MTMR14: variants seen among roughly 807,000 people sequenced by gnomAD.
The protein encoded by MTMR14 is myotubularin related protein 14, also known as phosphatidylinositol-3,5-bisphosphate 3-phosphatase MTMR14.
MTMR14 carries 48 observed loss-of-function variants against 86.3 expected under a neutral mutation model. The observed-to-expected ratio is 0.56, with a 90% CI of 0.44 to 0.71. The LOEUF is 0.71. Among genes scored for constraint, MTMR14 ranks in the 30% least tolerant of loss-of-function variants. The probability of loss-of-function intolerance (pLI) is 0.00; values close to 1 mark genes in which losing one functional copy is unlikely to be tolerated. For missense variants in MTMR14, 780 were observed against 834.6 expected (o/e 0.93, Z 0.81); for synonymous variants, 366 against 326.1 (o/e 1.12, Z -1.32).
In MTMR14 at chr3:9,674,496, A is replaced by G. The variant is rs1017260893; in HGVS notation, c.751+1738A>G. ...TGAAATATTGTATAGTCATAGAAGA[A>G]TCGAAAATGGGCTGGGCATGGTGGC... is the stretch of plus-strand genomic sequence containing the variant. On this transcript the variant is annotated intron_variant, in intron 7 of 18. Transcript: ENST00000296003. Among the ~76,000 whole-genome samples the G allele has an allele frequency of 2.6e-5, 4 of 152,322 alleles. No individual in the cohort carries two copies. In the East Asian group the frequency reaches 5.8e-4, roughly 22 times the overall value.
chr3:9,652,482 C>G (rs2047358802), intron 1 of MTMR14, among the ~76,000 whole-genome samples: 1 of 152,044 alleles, frequency 6.6e-6, no homozygotes, highest in African/African-American at 2.4e-5. Context: ...GGCCAGTACA[C>G]TGGCTCACGC....
At chr3:9,654,748 C>T (rs900146016) in intron 2 of MTMR14, among the ~76,000 whole-genome samples, 1 of 152,342 alleles carries the variant, frequency 6.6e-6, no homozygotes, top group South Asian at 2.1e-4. Flanking sequence ...GCAGGGCTAG[C>T]AGTGCATTCA....
rs571570954 is a variant in MTMR14 at position 9,685,173 on chromosome 3, G to A, written c.1128-38G>A. ...CTGTCCTCTTGGCCTTGTCATCTTG[G>A]TGCTGCTGACTTTGCCTCTCTACCC... On this transcript the variant is annotated intron_variant, in intron 12 of 18. Coordinates refer to ENST00000296003, the MANE Select transcript of MTMR14 (RefSeq NM_001077525.3). 4.3e-6 allele frequency: 7 copies of A among 1,614,108 alleles called. No individual in the cohort carries two copies. In the African/African-American group the frequency reaches 9.3e-5, roughly 22 times the overall value.
intron 18 of MTMR14, among the ~76,000 whole-genome samples, chr3:9,698,518 T>C (rs1298630928): frequency 6.6e-6 from 1 of 152,248 alleles, no homozygotes; most frequent in African/African-American, 2.4e-5. Flanking sequence ...GAGCAAGCCC[T>C]GCTCCTCAGC....
chr3:9,667,316 C>T (rs375755489), intron 3 of MTMR14, among the ~76,000 whole-genome samples: 2 of 152,312 alleles, frequency 1.3e-5, no homozygotes, highest in South Asian at 2.1e-4. Flanking sequence ...ATCCACTTTA[C>T]TCCTCACTGC....
chr3:9,701,752 G>C lies in MTMR14; in HGVS notation c.1770-38G>C. The stretch of plus-strand genomic sequence containing the variant: ...GATGAGGATACTGGGTCCTGTCCCA[G>C]GGTAATGTCTTTGTTCTTTCTCTTG... On this transcript the variant is annotated intron_variant, in intron 18 of 18. Coordinates refer to ENST00000296003, the MANE Select transcript of MTMR14 (RefSeq NM_001077525.3). The surrounding 1 kb of genome is among the most constrained non-coding windows in gnomAD (Gnocchi z 4.2). 1 of 1,610,800 alleles carries C rather than the reference G, an allele frequency of 6.2e-7. No homozygotes were observed. Among genetic ancestry groups the C allele is most frequent in the Non-Finnish European group, 8.5e-7 (1 of 1,179,174 alleles).
intron 3 of MTMR14, among the ~76,000 whole-genome samples, chr3:9,664,431 AAG>A (rs1471531047): frequency 6.6e-6 from 1 of 151,816 alleles, no homozygotes; most frequent in Admixed American, 6.6e-5. Flanking sequence ...CAGGTTGAGG[AAG>A]AGAGAGAGTT....
At chr3:9,678,761 C>T (rs371730199) in intron 9 of MTMR14, among the ~76,000 whole-genome samples, 3 of 152,310 alleles carry the variant, frequency 2.0e-5, no homozygotes, top group African/African-American at 7.2e-5. Flanking sequence ...AGTTGGATGC[C>T]TGCATCTATA....
At chr3:9,684,537 C>T in intron 10 of MTMR14, 48 bp from the exon 11 acceptor site, 3 of 1,586,110 alleles carry the variant, frequency 1.9e-6, no homozygotes, top group South Asian at 1.1e-5. Context: ...GCTCATCGGC[C>T]CATGTCTGGT....
rs772387395 is a variant in MTMR14 at position 9,653,661 on chromosome 3, G to A, written c.200G>A (p.Arg67Gln). The part of the protein sequence containing the change: ...IEKRCLELFG[R>Q]DYCFSVIPNT... ...AAGAGATGTCTGGAGCTGTTTGGCC[G>A]AGACTACTGTTTCAGCGTGATTCCA... The change falls in exon 2 of 19, where the codon CGA becomes CAA. Residue 67 changes from arginine to glutamine, a missense_variant. By Grantham distance (43) the Arg-to-Gln change is conservative. Coordinates refer to ENST00000296003, the MANE Select transcript of MTMR14 (RefSeq NM_001077525.3). 3.8e-5 allele frequency: 62 copies of A among 1,614,024 alleles called. No individual in the cohort carries two copies. Among genetic ancestry groups the A allele is most frequent in the Middle Eastern group, 1.6e-4 (1 of 6,082 alleles).
intron 2 of MTMR14, chr3:9,659,765 T>C (rs2047817941): frequency 2.2e-6 from 1 of 456,658 alleles, no homozygotes. Context: ...GAGCTTGATG[T>C]AGGGGAACCG....
rs550936600 is a variant in MTMR14, at chr3:9,686,454, A to G, written c.1164+1207A>G. On this transcript the variant is annotated intron_variant, in intron 13 of 18. Transcript: ENST00000296003. The stretch of plus-strand genomic sequence containing the variant: ...TCCATGTAGACAAGAGGCTCTCCTC[A>G]GCTGCAGGTTCATCTTCAGGACCTT... 3.1e-3 allele frequency among the ~76,000 whole-genome samples: 470 copies of G among 152,288 alleles called. 3 individuals are homozygous for G. Among genetic ancestry groups the G allele is most frequent in the African/African-American group, 0.011 (448 of 41,556 alleles).
Position 9,677,388 on chromosome 3 carries a change from G to T in MTMR14, c.822+1G>T. On this transcript the variant is annotated splice_donor_variant, in intron 8 of 18. Transcript: ENST00000296003. LOFTEE classifies it high-confidence loss of function. The surrounding 1 kb of genome is among the most constrained non-coding windows in gnomAD (Gnocchi z 4.2). The stretch of plus-strand genomic sequence containing the variant: ...AGGGCTCATATTTAACTGGAAGCAG[G>T]TATGAGCAATAACATACATCAAATT... 3 of 1,613,386 alleles carry T rather than the reference G, an allele frequency of 1.9e-6. No homozygotes were observed. Among genetic ancestry groups the T allele is most frequent in the Non-Finnish European group, 2.5e-6 (3 of 1,179,340 alleles).
chr3:9,681,082 C>T (rs2075753379), intron 9 of MTMR14, among the ~76,000 whole-genome samples: 1 of 152,232 alleles, frequency 6.6e-6, no homozygotes, highest in South Asian at 2.1e-4. Flanking sequence ...TCTTCCCTCT[C>T]CCGTGACTCC....
chr3:9,692,337 A>G (rs2076161830), intron 17 of MTMR14, among the ~76,000 whole-genome samples: 1 of 152,244 alleles, frequency 6.6e-6, no homozygotes. Context: ...CAGGTTGGGA[A>G]GAAAGTTCTG....
intron 9 of MTMR14, among the ~76,000 whole-genome samples, chr3:9,680,995 C>T (rs1475353938): frequency 6.6e-6 from 1 of 152,184 alleles, no homozygotes; most frequent in Non-Finnish European, 1.5e-5. Flanking sequence ...ACAGATCAGG[C>T]TTGGCTCTCC....
chr3:9,699,968 G>A (rs762401413), intron 18 of MTMR14: 1 of 152,266 alleles, frequency 6.6e-6, no homozygotes, highest in Non-Finnish European at 1.5e-5. Flanking sequence ...ATTGTTGATG[G>A]TAGTACAGGA....
At chr3:9,691,474 T>A (rs951129074) in intron 17 of MTMR14, among the ~76,000 whole-genome samples, 1 of 152,206 alleles carries the variant, frequency 6.6e-6, no homozygotes, top group Non-Finnish European at 1.5e-5. Flanking sequence ...AGGTCATGGT[T>A]CCTGCCCCCT....
In MTMR14 at chr3:9,662,306, C is replaced by A; in HGVS notation, c.348C>A (p.Leu116=). ...TACAGGTGAGCAAGTTGCAAGACCT[C>A]ATCCACCGCAGCAAGATGGCCCGGT... ...STVQVSKLQD[L]IHRSKMARCR... The change falls in exon 3 of 19, where the codon CTC becomes CTA. Residue 116 remains leucine, a synonymous_variant. Transcript: ENST00000296003. 6.2e-7 allele frequency: 1 copy of A among 1,613,524 alleles called. No individual in the cohort carries two copies. Among genetic ancestry groups the A allele is most frequent in the Non-Finnish European group, 8.5e-7 (1 of 1,179,960 alleles).
Sources: gnomAD v4.1 joint callset for allele counts (sites outside exome capture counted in the v4.1 genomes callset) on GRCh38, gnomAD v4.1.1 for gene constraint, Gnocchi (gnomAD v3.1) non-coding constraint, MANE v1.5 for transcripts, NCBI Gene and HGNC (gene_info 2026-07-23, HGNC 2026-07-21) for gene names.